Variants in ACP7 observed in about 807,000 individuals in gnomAD.
ACP7 encodes the protein acid phosphatase 7, tartrate resistant (putative).
In ACP7, 58 loss-of-function variants were observed where a neutral mutation model predicts 60.6. The ratio of observed to expected loss-of-function variants is 0.96; its 90% CI spans 0.77 to 1.19. ACP7 has a LOEUF of 1.19. Ranked by LOEUF, ACP7 falls within the 50% of genes most tolerant of loss-of-function variation. The pLI, the probability that ACP7 is intolerant of heterozygous loss-of-function variation, is 0.00. For missense variants in ACP7, 574 were observed against 596.2 expected (o/e 0.96, Z 0.39); for synonymous variants, 237 against 232.6 (o/e 1.02, Z -0.17).
At chr19:39,096,456 G>A (rs1382450961) in intron 2 of ACP7, among the ~76,000 whole-genome samples, 2 of 152,266 alleles carry the variant, frequency 1.3e-5, no homozygotes, top group South Asian at 2.1e-4. Context: ...ACCTCTGCCT[G>A]GATTTCATTG....
Position 39,099,156 on chromosome 19 carries a change from A to G in ACP7, c.505+14A>G. 1 of 1,451,058 alleles carries G rather than the reference A, an allele frequency of 6.9e-7. No homozygotes were observed. Among genetic ancestry groups the G allele is most frequent in the South Asian group, 1.4e-5 (1 of 73,790 alleles). The allele number at this position is 1,451,058 out of a possible 1,614,324, so 89.9% of individuals were successfully genotyped here. On this transcript the variant is annotated intron_variant, in intron 4 of 12. Coordinates refer to ENST00000331256, the MANE Select transcript of ACP7 (RefSeq NM_001004318.3). ...TTCTCCATGTGGGTGAGGCATCCGC[A>G]GGGGCGCGCGCAGGGACGGTGGGGG...
chr19:39,102,400 G>A (rs548334943), intron 11 of ACP7, among the ~76,000 whole-genome samples: 38 of 149,662 alleles, frequency 2.5e-4, no homozygotes, highest in East Asian at 5.9e-4. Flanking sequence ...TTTTCGAGAC[G>A]GAGTCTTGCT....
intron 2 of ACP7, among the ~76,000 whole-genome samples, chr19:39,086,999 A>C (rs1486174161): frequency 8.5e-5 from 13 of 152,062 alleles, no homozygotes. Flanking sequence ...GCATCTTTTA[A>C]AAATCTTTTA....
At chr19:39,093,638 C>T (rs984828910) in intron 2 of ACP7, among the ~76,000 whole-genome samples, 5 of 152,288 alleles carry the variant, frequency 3.3e-5, no homozygotes, top group Non-Finnish European at 5.9e-5. Flanking sequence ...GATCTACCCA[C>T]CTTGGCCTCC....
chr19:39,104,795 G>A (rs1183611346), intron 11 of ACP7, among the ~76,000 whole-genome samples: 1 of 151,992 alleles, frequency 6.6e-6, no homozygotes, highest in African/African-American at 2.4e-5. Flanking sequence ...TGAGGCAGGA[G>A]AATCGCTTGA....
At chr19:39,090,526 A>C (rs1031397655) in intron 2 of ACP7, among the ~76,000 whole-genome samples, 3 of 152,064 alleles carry the variant, frequency 2.0e-5, no homozygotes, top group Non-Finnish European at 2.9e-5. Flanking sequence ...TCTGTCACCC[A>C]GGCTGGATTG....
At chr19:39,104,790 C>G (rs2073393968) in intron 11 of ACP7, among the ~76,000 whole-genome samples, 1 of 151,910 alleles carries the variant, frequency 6.6e-6, no homozygotes. Context: ...GAGGGTGAGG[C>G]AGGAGAATCG....
At chr19:39,094,760 G>C (rs113215185) in intron 2 of ACP7, among the ~76,000 whole-genome samples, 1 of 152,140 alleles carries the variant, frequency 6.6e-6, no homozygotes, top group African/African-American at 2.4e-5. Context: ...CCAGGAGGCA[G>C]GGTATATTAG....
rs148895944 is a variant in ACP7, at chr19:39,100,786, A to G, written c.740A>G (p.Tyr247Cys). The change falls in exon 7 of 13, where the codon TAT becomes TGT. Residue 247 changes from tyrosine to cysteine, a missense_variant. Coordinates refer to ENST00000331256, the MANE Select transcript of ACP7 (RefSeq NM_001004318.3). The stretch of plus-strand genomic sequence containing the variant: ...ATCATCTCCTTCTCCACCGAGGTCT[A>G]TTTCTTTCTCCATTATGGCCGCCAC... ...AHIISFSTEV[Y>C]FFLHYGRHLV... 3.9e-5 allele frequency: 63 copies of G among 1,613,670 alleles called. No homozygotes were observed. The highest frequency in any genetic ancestry group is 5.3e-5 in the Non-Finnish European group (62 of 1,179,958).
In ACP7 at chr19:39,100,988, A is replaced by G; in HGVS notation, c.847A>G (p.Thr283Ala). ...CCGGGCAGCCCGGCCGTGGATCATC[A>G]CTATGGGGCACCGGCCCATGTACTG... is the stretch of plus-strand genomic sequence containing the variant. ...KNRAARPWIITMGHRPMYCSN... is the reference protein window; with the variant it reads ...KNRAARPWIIAMGHRPMYCSN... The change falls in exon 8 of 13, where the codon ACT becomes GCT. Residue 283 changes from threonine to alanine, a missense_variant. Coordinates refer to ENST00000331256, the MANE Select transcript of ACP7 (RefSeq NM_001004318.3). The G allele has an allele frequency of 6.2e-7, 1 of 1,613,008 alleles. No homozygotes were observed. The highest frequency in any genetic ancestry group is 8.5e-7 in the Non-Finnish European group (1 of 1,179,928).
At chr19:39,102,715 T>TTTCCTTCTTTC (rs1555769414) in intron 11 of ACP7, among the ~76,000 whole-genome samples, 1 of 118,616 alleles carries the variant, frequency 8.4e-6, no homozygotes, top group Non-Finnish European at 1.8e-5. Context: ...CAATGAAGAC[T>TTTCCTTCTTTC]TTTCTTTCTT....
At chr19:39,093,145 TTTCTTTCTTTCTCTTTCTTTCTTTCTC>T (rs1415689535) in intron 2 of ACP7, among the ~76,000 whole-genome samples, 2 of 119,972 alleles carry the variant, frequency 1.7e-5, no homozygotes. Flanking sequence ...CCCTCACTCC[TTTCTTTCTTTCTCTTTCTTTCTTTCTC>T]TCCTTCCTTC....
chr19:39,086,916 G>T (rs1409639018), intron 2 of ACP7, among the ~76,000 whole-genome samples: 5 of 152,180 alleles, frequency 3.3e-5, no homozygotes, highest in African/African-American at 1.2e-4. Flanking sequence ...CAGTATTAAT[G>T]TATATGATAT....
chr19:39,085,382 C>T lies in ACP7; in HGVS notation c.113C>T (p.Ser38Phe), dbSNP rs2073129760. ...PSAAPEQVHL[S>F]YPGEPGSMTV... ...GCTGCCCCAGAGCAAGTCCATCTGT[C>T]TTACCCAGGTAAGTGTCCCTGACTC... is the stretch of plus-strand genomic sequence containing the variant. Residue 38 changes from serine to phenylalanine, a missense_variant, in exon 2 of 13, where the codon TCT becomes TTT. Transcript: ENST00000331256. 2 of 1,610,620 alleles carry T rather than the reference C, an allele frequency of 1.2e-6. No homozygotes were observed. Among genetic ancestry groups the T allele is most frequent in the Non-Finnish European group, 1.7e-6 (2 of 1,178,458 alleles).
chr19:39,091,909 CTAAAAAAA>C (rs151003255), intron 2 of ACP7, among the ~76,000 whole-genome samples: 10,093 of 151,178 alleles, frequency 0.067, 982 homozygotes, highest in African/African-American at 0.22. Context: ...AAGACAACAA[CTAAAAAAA>C]TAAAAAAATA....
At chr19:39,102,715 T>TTTCTTTC (rs1555769414) in intron 11 of ACP7, among the ~76,000 whole-genome samples, 7,243 of 118,596 alleles carry the variant, frequency 0.061, 389 homozygotes, top group South Asian at 0.077. Flanking sequence ...CAATGAAGAC[T>TTTCTTTC]TTTCTTTCTT....
chr19:39,101,492 C>G lies in ACP7; in HGVS notation c.1068C>G (p.Pro356=). The G allele has an allele frequency of 6.2e-7, 1 of 1,614,096 alleles. No individual in the cohort carries two copies. Among genetic ancestry groups the G allele is most frequent in the African/African-American group, 1.3e-5 (1 of 75,036 alleles). Reference sequence around the variant, plus strand: ...TATTTAACGGCAGCCGAGAGATGCCCTACACCAACCCGCGAGGGCCTGTCC... The same window carrying G: ...TATTTAACGGCAGCCGAGAGATGCCGTACACCAACCCGCGAGGGCCTGTCC... ...YQVFNGSREM[P]YTNPRGPVHI... Residue 356 remains proline (P), a synonymous_variant, in exon 11 of 13, where the codon CCC becomes CCG. Coordinates refer to ENST00000331256, the MANE Select transcript of ACP7 (RefSeq NM_001004318.3).
At position 39,110,101 on chromosome 19, in the gene ACP7, C is replaced by T. The variant is rs200807177; in HGVS notation, c.1300C>T (p.Arg434Trp). 159 of 1,613,742 alleles carry T rather than the reference C, an allele frequency of 9.9e-5. No homozygotes were observed. The South Asian group carries it at 1.4e-3, about 15-fold the overall frequency. The change falls in exon 13 of 13, where the codon CGG (arginine) becomes TGG (tryptophan). Residue 434 changes from arginine to tryptophan, a missense_variant. Coordinates refer to ENST00000331256, the MANE Select transcript of ACP7 (RefSeq NM_001004318.3). ...CTGGGTGGTGAGACCCCTGTTTGGC[C>T]GGAGGATGTACCTCTAGGGATGGCG... ...DVWVVRPLFG[R>W]RMYL
intron 11 of ACP7, among the ~76,000 whole-genome samples, chr19:39,102,767 C>CTGTCTT (rs754172891): frequency 9.9e-6 from 1 of 101,054 alleles, no homozygotes; most frequent in Admixed American, 1.1e-4. Context: ...TTCTTTCTTT[C>CTGTCTT]TCTCTCTCTC....
Sources: allele counts gnomAD v4.1 joint callset (sites outside exome capture counted in the v4.1 genomes callset), GRCh38; gene constraint gnomAD v4.1.1; transcripts MANE v1.5; gene names NCBI Gene and HGNC (gene_info 2026-07-23, HGNC 2026-07-21).